The following HMGCLL1 variants were observed in gnomAD, a reference collection of about 807,000 sequenced individuals.
The protein encoded by HMGCLL1 is 3-hydroxy-3-methylglutaryl-CoA lyase like 1.
Under a neutral mutation model 39.1 loss-of-function variants are expected in HMGCLL1, and 36 were observed. The ratio of observed to expected loss-of-function variants is 0.92; its 90% CI spans 0.71 to 1.22. HMGCLL1 has a LOEUF of 1.22. HMGCLL1 is among the 50% of genes most tolerant of loss of function. HMGCLL1 has a pLI of 0.00. For synonymous variants in HMGCLL1, 149 were observed against 144.0 expected (o/e 1.03, Z -0.25); for missense variants, 451 against 416.5 (o/e 1.08, Z -0.72).
intron 5 of HMGCLL1, among the ~76,000 whole-genome samples, chr6:55,509,973 A>G (rs180839540): frequency 9.9e-5 from 15 of 152,112 alleles, no homozygotes; most frequent in African/African-American, 3.4e-4. Flanking sequence ...AATTATGACT[A>G]AAGTATGACA....
chr6:55,628,983 A>G, the HMGCLL1 span, among the ~76,000 whole-genome samples: 2 of 152,170 alleles, frequency 1.3e-5, 1 homozygote, highest in East Asian at 3.9e-4. Context: ...GAGCAGTGTG[A>G]AAACAGACTA....
At chr6:55,574,810 T>C (rs1173999045) in intron 1 of HMGCLL1, among the ~76,000 whole-genome samples, 3 of 152,008 alleles carry the variant, frequency 2.0e-5, no homozygotes, top group Non-Finnish European at 2.9e-5. Flanking sequence ...ACATTTAAAT[T>C]CCAGAGACCC....
At chr6:55,483,719 T>C (rs13192599) in intron 7 of HMGCLL1, among the ~76,000 whole-genome samples, 9,599 of 152,336 alleles carry the variant, frequency 0.063, 455 homozygotes, top group Non-Finnish European at 0.1. Context: ...CCGGTTCTAC[T>C]ATTTTTCAAG....
chr6:55,522,811 A>G (rs1193345035), intron 3 of HMGCLL1, among the ~76,000 whole-genome samples: 3 of 152,026 alleles, frequency 2.0e-5, no homozygotes, highest in African/African-American at 7.2e-5. Flanking sequence ...GTTCTGTATT[A>G]CCATAGAAAT....
chr6:55,492,471 C>T (rs1209062353), intron 7 of HMGCLL1, among the ~76,000 whole-genome samples: 1 of 152,210 alleles, frequency 6.6e-6, no homozygotes, highest in Non-Finnish European at 1.5e-5. Context: ...TCCAGTACCA[C>T]ATGTGGCTGT....
chr6:55,527,042 C>A (rs879277658), intron 3 of HMGCLL1, among the ~76,000 whole-genome samples: 1 of 152,074 alleles, frequency 6.6e-6, no homozygotes, highest in Non-Finnish European at 1.5e-5. Flanking sequence ...GTCTATCTGA[C>A]TGCAAAGCAT....
At chr6:55,439,606 T>G in intron 7 of HMGCLL1, 47 bp from the exon 8 acceptor site, 1 of 1,583,550 alleles carries the variant, frequency 6.3e-7, no homozygotes, top group South Asian at 1.1e-5. Context: ...TTATGGCATG[T>G]AAATTGTTGC....
upstream of HMGCLL1, among the ~76,000 whole-genome samples, chr6:55,580,402 C>CTTTT (rs1561975440): frequency 2.4e-5 from 2 of 82,714 alleles, no homozygotes; most frequent in Non-Finnish European, 5.4e-5. Context: ...TTTCTTTTTT[C>CTTTT]TTTCTTTTTT....
At chr6:55,515,380 A>T (rs1480824389) in intron 4 of HMGCLL1, among the ~76,000 whole-genome samples, 1 of 152,156 alleles carries the variant, frequency 6.6e-6, no homozygotes, top group African/African-American at 2.4e-5. Context: ...CTAAAATAAA[A>T]ACTCTATTAG....
At chr6:55,648,236 G>T in the HMGCLL1 span, among the ~76,000 whole-genome samples, 16,387 of 150,104 alleles carry the variant, frequency 0.11, 1,010 homozygotes, top group East Asian at 0.17. Flanking sequence ...ACATACGTGT[G>T]CATGTGTCTT....
the HMGCLL1 span, among the ~76,000 whole-genome samples, chr6:55,620,018 T>C: frequency 6.6e-5 from 10 of 152,148 alleles, no homozygotes; most frequent in African/African-American, 2.4e-4. Flanking sequence ...AACAACGGGA[T>C]CTTATTCTTT....
chr6:55,579,232 G>T, upstream of HMGCLL1: 1 of 601,334 alleles, frequency 1.7e-6, no homozygotes, highest in East Asian at 2.8e-5. Flanking sequence ...GTGGGGCGTG[G>T]CAGGTGGCCG....
chr6:55,662,479 C>G, the HMGCLL1 span, among the ~76,000 whole-genome samples: 1 of 151,762 alleles, frequency 6.6e-6, no homozygotes, highest in East Asian at 1.9e-4. Flanking sequence ...TGTGAGGGAT[C>G]ACATTTATTG....
chr6:55,488,637 A>G (rs1397107743), intron 7 of HMGCLL1, among the ~76,000 whole-genome samples: 3 of 151,862 alleles, frequency 2.0e-5, no homozygotes, highest in Non-Finnish European at 4.4e-5. Context: ...AAGTAAATGG[A>G]AAAAAAACTG....
intron 5 of HMGCLL1, among the ~76,000 whole-genome samples, chr6:55,508,594 C>T (rs1369852852): frequency 1.3e-5 from 2 of 151,678 alleles, no homozygotes; most frequent in East Asian, 1.9e-4. Flanking sequence ...ATGATAAAAA[C>T]TTCTAAATGT....
the HMGCLL1 span, among the ~76,000 whole-genome samples, chr6:55,598,158 T>C: frequency 3.3e-3 from 497 of 152,276 alleles, 2 homozygotes; most frequent in African/African-American, 0.011. Flanking sequence ...ATTTGTGCTG[T>C]AAAAGAATCT....
intron 6 of HMGCLL1, among the ~76,000 whole-genome samples, chr6:55,495,894 G>A (rs981596150): frequency 2.0e-5 from 3 of 151,944 alleles, no homozygotes; most frequent in Non-Finnish European, 4.4e-5. Context: ...GAAATTATAA[G>A]CTACAATGTC....
At chr6:55,523,322 T>C (rs1768131084) in intron 3 of HMGCLL1, among the ~76,000 whole-genome samples, 1 of 151,966 alleles carries the variant, frequency 6.6e-6, no homozygotes, top group African/African-American at 2.4e-5. Flanking sequence ...TAAACAGTCA[T>C]GATATTCGGG....
chr6:55,601,389 G>A, the HMGCLL1 span, among the ~76,000 whole-genome samples: 1 of 152,262 alleles, frequency 6.6e-6, no homozygotes, highest in East Asian at 1.9e-4. Flanking sequence ...TATTCTGCAG[G>A]ATAGCTTTGA....
Sources: gnomAD v4.1 joint callset for allele counts (sites outside exome capture counted in the v4.1 genomes callset) on GRCh38, gnomAD v4.1.1 for gene constraint, MANE v1.5 for transcripts, NCBI Gene and HGNC (gene_info 2026-07-23, HGNC 2026-07-21) for gene names.